PRKG1: variants seen among roughly 807,000 people sequenced by gnomAD.
PRKG1 encodes cGMP-dependent protein kinase 1.
Under a neutral mutation model 88.1 loss-of-function variants are expected in PRKG1, and 35 were observed. The ratio of observed to expected loss-of-function variants is 0.40; its 90% CI spans 0.30 to 0.53. The LOEUF is 0.53. Among genes scored for constraint, PRKG1 ranks in the 20% least tolerant of loss-of-function variants. PRKG1 has a pLI of 0.59. For synonymous variants in PRKG1, 303 were observed against 292.5 expected (o/e 1.04, Z -0.37); for missense variants, 540 against 839.8 (o/e 0.64, Z 4.41).
intron 1 of PRKG1, among the ~76,000 whole-genome samples, chr10:51,150,210 T>C (rs577232498): frequency 6.6e-6 from 1 of 152,236 alleles, no homozygotes; most frequent in South Asian, 2.1e-4. Context: ...CTTCTGGTAC[T>C]TGTGATATCG....
chr10:51,940,823 A>G (rs903025663), intron 5 of PRKG1, among the ~76,000 whole-genome samples: 4 of 151,948 alleles, frequency 2.6e-5, no homozygotes, highest in Non-Finnish European at 5.9e-5. Flanking sequence ...CTATTCTAGA[A>G]TGAGTAACAC....
At chr10:51,321,757 A>G (rs1387554794) in intron 2 of PRKG1, among the ~76,000 whole-genome samples, 3 of 152,304 alleles carry the variant, frequency 2.0e-5, no homozygotes, top group East Asian at 3.9e-4. Flanking sequence ...CTAAAAGAGT[A>G]TATTTGGATT....
At chr10:51,723,971 C>T (rs1293785939) in intron 3 of PRKG1, among the ~76,000 whole-genome samples, 1 of 152,060 alleles carries the variant, frequency 6.6e-6, no homozygotes, top group Non-Finnish European at 1.5e-5. Flanking sequence ...ATTTTAGGTG[C>T]CAACTTAACT....
intron 2 of PRKG1, among the ~76,000 whole-genome samples, chr10:51,467,515 A>C (rs1472308487): frequency 6.6e-6 from 1 of 151,978 alleles, no homozygotes; most frequent in Non-Finnish European, 1.5e-5. Flanking sequence ...TCTCATATCA[A>C]ATCTTTTCAG....
At position 51,838,777 on chromosome 10, in the gene PRKG1, C is replaced by T. The variant is rs190488177; in HGVS notation, c.698+34087C>T. On this transcript the variant is annotated intron_variant, in intron 4 of 17. Coordinates refer to ENST00000373980, the MANE Select transcript of PRKG1 (RefSeq NM_006258.4). ...TAGGCTAATGAGAAAAAAAAAATCA[C>T]GCTACCCCTAGGGCTATTGTTAGCC... Among the ~76,000 whole-genome samples, 144 of 151,982 alleles carry T rather than the reference C, an allele frequency of 9.5e-4. 1 individual carries two copies. The highest frequency in any genetic ancestry group is 3.2e-3 in the African/African-American group (133 of 41,464).
intron 9 of PRKG1, among the ~76,000 whole-genome samples, chr10:52,175,630 G>GT (rs1838844252): frequency 6.6e-6 from 1 of 151,894 alleles, no homozygotes; most frequent in Non-Finnish European, 1.5e-5. Context: ...CAAGAGTTCC[G>GT]TTTTCTCTGT....
chr10:52,086,185 C>G (rs1477119898), intron 7 of PRKG1, among the ~76,000 whole-genome samples: 1 of 151,978 alleles, frequency 6.6e-6, no homozygotes, highest in Admixed American at 6.6e-5. Context: ...AGATCATTCC[C>G]TCCCCATCCT....
intron 2 of PRKG1, among the ~76,000 whole-genome samples, chr10:51,197,802 G>A (rs1028239291): frequency 4.0e-5 from 6 of 151,130 alleles, no homozygotes; most frequent in Admixed American, 3.3e-4. Context: ...AGGTTTAAGA[G>A]GTGCTATTAG....
At chr10:51,657,651 A>G (rs1840195279) in intron 3 of PRKG1, among the ~76,000 whole-genome samples, 1 of 152,168 alleles carries the variant, frequency 6.6e-6, no homozygotes, top group Non-Finnish European at 1.5e-5. Context: ...ATTATGGCCC[A>G]TTCTTCAAAC....
At chr10:51,595,807 A>G (rs1266760443) in intron 3 of PRKG1, among the ~76,000 whole-genome samples, 2 of 151,772 alleles carry the variant, frequency 1.3e-5, no homozygotes, top group African/African-American at 4.8e-5. Context: ...ACATACTTTT[A>G]CCATTAGTAC....
intron 2 of PRKG1, among the ~76,000 whole-genome samples, chr10:51,419,705 T>C (rs1296456478): frequency 6.6e-6 from 1 of 151,966 alleles, no homozygotes; most frequent in East Asian, 1.9e-4. Flanking sequence ...ATCTGACAGG[T>C]GAAAAAGATA....
intron 2 of PRKG1, among the ~76,000 whole-genome samples, chr10:51,435,848 A>G (rs1259966584): frequency 1.3e-4 from 20 of 151,962 alleles, no homozygotes; most frequent in Admixed American, 1.3e-3. Context: ...GTGGGCTGTG[A>G]GTACTTATTT....
At chr10:51,100,941 C>T (rs746601200) in intron 1 of PRKG1, among the ~76,000 whole-genome samples, 4 of 152,088 alleles carry the variant, frequency 2.6e-5, no homozygotes, top group Non-Finnish European at 5.9e-5. Context: ...TCTTTCTATG[C>T]CTCTTGTCAC....
intron 2 of PRKG1, among the ~76,000 whole-genome samples, chr10:51,192,817 G>A (rs577112113): frequency 6.6e-5 from 10 of 151,980 alleles, no homozygotes; most frequent in African/African-American, 1.9e-4. Flanking sequence ...GTAACATCAC[G>A]TAGAATGGCC....
At chr10:51,773,163 G>A (rs1206828655) in intron 3 of PRKG1, among the ~76,000 whole-genome samples, 1 of 151,974 alleles carries the variant, frequency 6.6e-6, no homozygotes, top group East Asian at 1.9e-4. Flanking sequence ...CCCAATTTTA[G>A]TTGTGTTTAT....
At chr10:51,973,290 T>G (rs977730407) in intron 5 of PRKG1, among the ~76,000 whole-genome samples, 2 of 152,202 alleles carry the variant, frequency 1.3e-5, no homozygotes, top group African/African-American at 4.8e-5. Context: ...CAGTCTGTTT[T>G]ATGAATCTCA....
chr10:52,193,255 A>G (rs935248390), intron 9 of PRKG1, among the ~76,000 whole-genome samples: 4 of 152,124 alleles, frequency 2.6e-5, no homozygotes, highest in Non-Finnish European at 5.9e-5. Flanking sequence ...GAACTATTCT[A>G]AATGTCGGGC....
intron 2 of PRKG1, among the ~76,000 whole-genome samples, chr10:51,425,002 C>T (rs888995226): frequency 6.6e-6 from 1 of 152,048 alleles, no homozygotes; most frequent in Non-Finnish European, 1.5e-5. Context: ...ACAGCCCTCC[C>T]TCCTTCCTTT....
intron 7 of PRKG1, among the ~76,000 whole-genome samples, chr10:52,109,074 C>T (rs1847494595): frequency 6.6e-6 from 1 of 152,092 alleles, no homozygotes. Context: ...TATCCACCTG[C>T]CTCGGCCTCC....
Sources: allele counts gnomAD v4.1 joint callset (sites outside exome capture counted in the v4.1 genomes callset), GRCh38; gene constraint gnomAD v4.1.1; transcripts MANE v1.5; gene names NCBI Gene and HGNC (gene_info 2026-07-23, HGNC 2026-07-21).